MARCHF1: variants seen among roughly 807,000 people sequenced by gnomAD.
MARCHF1 encodes E3 ubiquitin-protein ligase MARCHF1.
A neutral mutation model predicts 54.2 loss-of-function variants in MARCHF1; 40 were observed. The ratio of observed to expected loss-of-function variants is 0.74; its 90% CI spans 0.57 to 0.96. The LOEUF (loss-of-function observed/expected upper bound fraction) is 0.96. MARCHF1 is among the 40% of genes least tolerant of loss of function. The pLI is 0.00. For synonymous variants in MARCHF1, 236 were observed against 236.3 expected (o/e 1.00, Z 0.01); for missense variants, 586 against 656.5 (o/e 0.89, Z 1.17).
chr4:164,355,520 T>C lies in MARCHF1; in HGVS notation c.-323+28350A>G, dbSNP rs1226338731. ...AGAAAAACAAGCAATGGGGAAAGGA[T>C]TCCCTATTTAATAAATGGTGCTGGG... is the stretch of plus-strand genomic sequence containing the variant. On this transcript the variant is annotated intron_variant, in intron 1 of 9. Transcript: ENST00000514618. Among the ~76,000 whole-genome samples the C allele has an allele frequency of 3.1e-4, 35 of 114,274 alleles. 2 individuals carry two copies. The East Asian group carries it at 5.8e-3, about 19-fold the overall frequency. 75.0% of individuals were successfully genotyped at this position (114,274 alleles called of 152,430 possible).
At chr4:163,665,623 A>G (rs1043010543) in intron 5 of MARCHF1, among the ~76,000 whole-genome samples, 1 of 152,132 alleles carries the variant, frequency 6.6e-6, no homozygotes, top group African/African-American at 2.4e-5. Flanking sequence ...TGTTAAGGTC[A>G]ACTGTGAACT....
At chr4:163,673,805 A>G (rs1262766937) in intron 5 of MARCHF1, among the ~76,000 whole-genome samples, 1 of 152,204 alleles carries the variant, frequency 6.6e-6, no homozygotes, top group Non-Finnish European at 1.5e-5. Flanking sequence ...GTATTGTTTC[A>G]AATCAAAGAA....
chr4:164,034,080 TAG>T (rs1560871927), intron 2 of MARCHF1, among the ~76,000 whole-genome samples: 9 of 96,224 alleles, frequency 9.4e-5, no homozygotes, highest in African/African-American at 4.6e-4. Flanking sequence ...GATAGATAGA[TAG>T]ATAGATAGAT....
intron 2 of MARCHF1, among the ~76,000 whole-genome samples, chr4:163,989,923 T>C (rs1412176137): frequency 1.3e-5 from 2 of 152,302 alleles, no homozygotes; most frequent in East Asian, 3.9e-4. Flanking sequence ...TGCTTATAAG[T>C]TAGAATTTTT....
intron 4 of MARCHF1, among the ~76,000 whole-genome samples, chr4:163,715,671 A>G (rs1745234858): frequency 6.6e-6 from 1 of 152,178 alleles, no homozygotes; most frequent in Non-Finnish European, 1.5e-5. Flanking sequence ...ACTATGGCAA[A>G]AAAGATGATG....
At chr4:164,244,830 C>G (rs981066656) in intron 1 of MARCHF1, among the ~76,000 whole-genome samples, 2 of 152,022 alleles carry the variant, frequency 1.3e-5, no homozygotes, top group African/African-American at 4.8e-5. Flanking sequence ...CTACAAACAC[C>G]TCTACGCAAA....
chr4:164,126,899 C>T (rs945884036), intron 1 of MARCHF1, among the ~76,000 whole-genome samples: 1 of 152,042 alleles, frequency 6.6e-6, no homozygotes, highest in Non-Finnish European at 1.5e-5. Flanking sequence ...CTACAAAATA[C>T]AAAAATTAGC....
intron 2 of MARCHF1, among the ~76,000 whole-genome samples, chr4:164,083,582 G>C (rs538948632): frequency 8.5e-5 from 13 of 152,172 alleles, no homozygotes; most frequent in Admixed American, 2.0e-4. Flanking sequence ...TAGCTGGAAA[G>C]ATTTTTCCAA....
At chr4:163,580,197 G>A (rs901857508) in intron 8 of MARCHF1, among the ~76,000 whole-genome samples, 1 of 151,870 alleles carries the variant, frequency 6.6e-6, no homozygotes, top group Admixed American at 6.6e-5. Flanking sequence ...TCCTGCCTCA[G>A]CCTCCCAAGT....
At chr4:164,123,094 G>A (rs534338562) in intron 1 of MARCHF1, among the ~76,000 whole-genome samples, 1 of 152,190 alleles carries the variant, frequency 6.6e-6, no homozygotes, top group South Asian at 2.1e-4. Context: ...ATTAGAACTC[G>A]TAAGCAAATT....
chr4:164,217,454 CT>C (rs1731965618), intron 1 of MARCHF1, among the ~76,000 whole-genome samples: 1 of 152,072 alleles, frequency 6.6e-6, no homozygotes, highest in Admixed American at 6.6e-5. Context: ...CTATATAAGC[CT>C]TTGGGAAATG....
intron 1 of MARCHF1, among the ~76,000 whole-genome samples, chr4:164,120,278 T>G (rs2110770363): frequency 6.6e-6 from 1 of 152,032 alleles, no homozygotes; most frequent in East Asian, 1.9e-4. Flanking sequence ...CTCAGCAAGA[T>G]AATCTAACAA....
intron 6 of MARCHF1, 30 bp from the exon 7 acceptor site, chr4:163,613,068 A>G: frequency 6.9e-7 from 1 of 1,449,964 alleles, no homozygotes; most frequent in Non-Finnish European, 9.0e-7. Flanking sequence ...AAGGATGGGA[A>G]ATGGGAATGG....
chr4:164,303,968 G>A (rs185442523), intron 1 of MARCHF1, among the ~76,000 whole-genome samples: 7 of 152,242 alleles, frequency 4.6e-5, no homozygotes, highest in Non-Finnish European at 7.4e-5. Flanking sequence ...CCTATTTACC[G>A]CATGCATTTA....
At chr4:164,177,769 T>C (rs1356606387) in intron 1 of MARCHF1, among the ~76,000 whole-genome samples, 1 of 150,082 alleles carries the variant, frequency 6.7e-6, no homozygotes, top group African/African-American at 2.5e-5. Context: ...CTCTCTCTCA[T>C]CTCTCTCTCT....
intron 4 of MARCHF1, among the ~76,000 whole-genome samples, chr4:163,849,857 G>C (rs1252557271): frequency 2.0e-5 from 3 of 152,084 alleles, no homozygotes; most frequent in African/African-American, 4.8e-5. Flanking sequence ...TGAAATGTCT[G>C]AGTTTATTTA....
chr4:164,142,140 A>G (rs1756555955), intron 1 of MARCHF1, among the ~76,000 whole-genome samples: 1 of 152,180 alleles, frequency 6.6e-6, no homozygotes, highest in Admixed American at 6.5e-5. Flanking sequence ...GCACCTGGAG[A>G]ATATATCCTG....
chr4:163,942,825 C>T (rs192842435), intron 3 of MARCHF1, among the ~76,000 whole-genome samples: 34 of 152,186 alleles, frequency 2.2e-4, no homozygotes, highest in African/African-American at 8.2e-4. Flanking sequence ...TTCCTCTCAA[C>T]CTTAGCTTTC....
chr4:163,837,110 G>A (rs575650924), intron 4 of MARCHF1, among the ~76,000 whole-genome samples: 1 of 152,110 alleles, frequency 6.6e-6, no homozygotes. Flanking sequence ...CTAATTTTTG[G>A]TGGATTCAGA....
Sources: gnomAD v4.1 joint callset for allele counts (sites outside exome capture counted in the v4.1 genomes callset) on GRCh38, gnomAD v4.1.1 for gene constraint, MANE v1.5 for transcripts, NCBI Gene and HGNC (gene_info 2026-07-23, HGNC 2026-07-21) for gene names.